VPS13C: variants seen among roughly 807,000 people sequenced by gnomAD.
The protein encoded by VPS13C is intermembrane lipid transfer protein VPS13C.
In VPS13C, 358 loss-of-function variants were observed where a neutral mutation model predicts 456.8. The ratio of observed to expected loss-of-function variants is 0.78; its 90% CI spans 0.72 to 0.86. The LOEUF is 0.86. Ranked by LOEUF, VPS13C falls within the 40% of genes least tolerant of loss-of-function variation. The probability of loss-of-function intolerance (pLI) is 0.00; values close to 1 mark genes in which losing one functional copy is unlikely to be tolerated. For synonymous variants in VPS13C, 1,578 were observed against 1,486.7 expected, an observed-to-expected ratio of 1.06 and a Z score of -1.41; for missense variants, 4,818 against 4,385.4, an observed-to-expected ratio of 1.10 and a Z score of -2.79.
At chr15:61,904,681 C>T (rs1436970130) in intron 66 of VPS13C, among the ~76,000 whole-genome samples, 1 of 151,882 alleles carries the variant, frequency 6.6e-6, no homozygotes, top group Non-Finnish European at 1.5e-5. Context: ...TTGAAGGTCC[C>T]ATATTTATTG....
At chr15:61,933,378 T>C (rs2044124276) in intron 49 of VPS13C, among the ~76,000 whole-genome samples, 1 of 152,118 alleles carries the variant, frequency 6.6e-6, no homozygotes, top group South Asian at 2.1e-4. Context: ...ATAGTAACAA[T>C]GTATGAATAT....
At chr15:61,981,749 G>C (rs2045895878) in intron 21 of VPS13C, among the ~76,000 whole-genome samples, 1 of 152,118 alleles carries the variant, frequency 6.6e-6, no homozygotes, top group Non-Finnish European at 1.5e-5. Context: ...TGCAGCCCCA[G>C]CTACTTGGGA....
intron 65 of VPS13C, 57 bp from the exon 66 acceptor site, chr15:61,907,447 C>G: frequency 6.3e-7 from 1 of 1,583,606 alleles, no homozygotes; most frequent in Non-Finnish European, 8.6e-7. Flanking sequence ...GAAACCCAAA[C>G]CTGTAGTTTA....
At chr15:62,017,642 T>C (rs1052177512) in intron 9 of VPS13C, among the ~76,000 whole-genome samples, 3 of 152,226 alleles carry the variant, frequency 2.0e-5, no homozygotes, top group Non-Finnish European at 4.4e-5. Flanking sequence ...TTCATTGGTC[T>C]GTATCTCTGT....
chr15:62,046,610 C>T (rs550250650), intron 1 of VPS13C, among the ~76,000 whole-genome samples: 1 of 152,314 alleles, frequency 6.6e-6, no homozygotes, highest in Admixed American at 6.5e-5. Flanking sequence ...GACTGTTCTA[C>T]CTAGTCATTC....
Position 61,923,545 on chromosome 15 carries a change from T to G in VPS13C, c.6610-783A>C, listed in dbSNP as rs374913196. Among the ~76,000 whole-genome samples the G allele has an allele frequency of 4.0e-5, 6 of 149,290 alleles. 1 individual carries two copies. The East Asian group carries it at 7.7e-4, about 19-fold the overall frequency. On this transcript the variant is annotated intron_variant, in intron 53 of 84. Coordinates refer to ENST00000644861, the MANE Select transcript of VPS13C (RefSeq NM_020821.3). ...ATCCCACAAGATAAAATTGAAACTC[T>G]CTTTAACTTAATGTGCAGAGCTCTT...
intron 15 of VPS13C, among the ~76,000 whole-genome samples, chr15:62,006,557 A>G (rs2140487638): frequency 6.6e-6 from 1 of 152,316 alleles, no homozygotes; most frequent in East Asian, 1.9e-4. Flanking sequence ...TAGTGCCGCA[A>G]TAAACATATG....
intron 15 of VPS13C, among the ~76,000 whole-genome samples, chr15:62,002,738 G>A (rs1198149806): frequency 6.6e-6 from 1 of 152,078 alleles, no homozygotes; most frequent in East Asian, 1.9e-4. Context: ...TTCTACATAT[G>A]GCTAGACAGT....
Position 61,880,863 on chromosome 15 carries a change from G to A in VPS13C, c.9868C>T (p.Pro3290Ser), listed in dbSNP as rs767951389. Residue 3290 changes from proline (P) to serine (S), a missense_variant, in exon 72 of 85, where the codon CCT becomes TCT. Coordinates refer to ENST00000644861, the MANE Select transcript of VPS13C (RefSeq NM_020821.3). ...IIALFTPTTD[P>S]EAERRRTKLI... Reference sequence around the variant, plus strand: ...TTTACCCGTCTTCTTTCAGCTTCAGGGTCTGTTGTTGGGGTAAACAGTGCA... The same window carrying A: ...TTTACCCGTCTTCTTTCAGCTTCAGAGTCTGTTGTTGGGGTAAACAGTGCA... The A allele has an allele frequency of 1.3e-6, 2 of 1,598,022 alleles. No individual in the cohort carries two copies. Among genetic ancestry groups the A allele is most frequent in the Non-Finnish European group, 1.7e-6 (2 of 1,175,416 alleles).
intron 38 of VPS13C, among the ~76,000 whole-genome samples, chr15:61,953,833 C>T (rs145756971): frequency 7.0e-4 from 107 of 152,268 alleles, no homozygotes; most frequent in African/African-American, 2.6e-3. Context: ...CCCTCCCTAC[C>T]ATCAGCACCC....
chr15:61,880,756 AT>A (rs761062092), intron 72 of VPS13C, 34 bp from the exon 73 acceptor site: 2 of 1,537,008 alleles, frequency 1.3e-6, no homozygotes, highest in South Asian at 1.2e-5. Flanking sequence ...TTCTATTTTA[AT>A]TTTTTTCTCT....
In VPS13C at chr15:61,922,556, T is replaced by C; in HGVS notation, c.6816A>G (p.Ile2272Met). The C allele has an allele frequency of 1.2e-6, 2 of 1,614,126 alleles. No homozygotes were observed. The highest frequency in any genetic ancestry group is 1.1e-5 in the South Asian group (1 of 91,082). ...CTACAACAACACCACAATTTTCCTC[T>C]ATCAGTGAATGTTCAATGCCTTTGA... ...ESFKGIEHSL[I>M]EENCGVVVES... The change falls in exon 54 of 85, where the codon ATA becomes ATG. Residue 2272 changes from isoleucine to methionine, a missense_variant. Ile to Met is a conservative substitution (Grantham distance 10). Coordinates refer to ENST00000644861, the MANE Select transcript of VPS13C (RefSeq NM_020821.3).
intron 26 of VPS13C, 57 bp downstream of exon 26, chr15:61,973,397 C>T: frequency 7.1e-7 from 1 of 1,401,712 alleles, no homozygotes; most frequent in Non-Finnish European, 1.0e-6. Flanking sequence ...AATGTTATCT[C>T]TGTATAACAA....
rs2045917554 is a variant in VPS13C, at chr15:61,982,501, TTGC to T, written c.1984_1986del (p.Ala662del). 2.5e-6 allele frequency: 4 copies of T among 1,609,848 alleles called. No homozygotes were observed. Among genetic ancestry groups the T allele is most frequent in the Non-Finnish European group, 3.4e-6 (4 of 1,178,622 alleles). On this transcript the variant is annotated inframe_deletion, in exon 21 of 85. Coordinates refer to ENST00000644861, the MANE Select transcript of VPS13C (RefSeq NM_020821.3). ...TTAATTTCTTCCAGCTTCATCAATG[TTGC>T]TGATGTTATTTGCTCAAGATCCAAT... is the stretch of plus-strand genomic sequence containing the variant.
intron 4 of VPS13C, among the ~76,000 whole-genome samples, chr15:62,034,201 G>A (rs762692615): frequency 1.3e-5 from 2 of 151,576 alleles, no homozygotes; most frequent in Non-Finnish European, 3.0e-5. Flanking sequence ...AACTGTCACT[G>A]TCACTGTGAA....
chr15:61,979,091 C>A (rs1293653994), intron 22 of VPS13C, among the ~76,000 whole-genome samples: 4 of 152,114 alleles, frequency 2.6e-5, no homozygotes, highest in Admixed American at 6.5e-5. Flanking sequence ...CCACCCTACA[C>A]CCTTCACCAT....
intron 81 of VPS13C, chr15:61,863,738 A>C (rs1363458372): frequency 2.5e-6 from 1 of 399,422 alleles, no homozygotes; most frequent in Non-Finnish European, 4.5e-6. Flanking sequence ...AAAAACATGT[A>C]ATAAATGCTT....
At chr15:61,934,109 G>A (rs952079258) in intron 49 of VPS13C, 110 bp downstream of exon 49, 2 of 572,546 alleles carry the variant, frequency 3.5e-6, no homozygotes, top group Non-Finnish European at 5.7e-6. Context: ...GAATTTTATA[G>A]ACATATTAAA....
intron 76 of VPS13C, among the ~76,000 whole-genome samples, chr15:61,875,311 T>C (rs1050533131): frequency 6.6e-6 from 1 of 152,076 alleles, no homozygotes; most frequent in Non-Finnish European, 1.5e-5. Context: ...TATTCTCTCA[T>C]TTATTTTCTC....
Sources: gnomAD v4.1 joint callset for allele counts (sites outside exome capture counted in the v4.1 genomes callset) on GRCh38, gnomAD v4.1.1 for gene constraint, MANE v1.5 for transcripts, NCBI Gene and HGNC (gene_info 2026-07-23, HGNC 2026-07-21) for gene names.